CDIN1: variants seen among roughly 807,000 people sequenced by gnomAD.
CDIN1 encodes the protein CDAN1 interacting nuclease 1.
A neutral mutation model predicts 45.3 loss-of-function variants in CDIN1; 33 were observed. That is an observed-to-expected ratio of 0.73 (90% confidence interval 0.55 to 0.97). CDIN1 has a LOEUF of 0.97. CDIN1 is among the 50% of genes least tolerant of loss of function. CDIN1 has a pLI of 0.00. For synonymous variants in CDIN1, 118 were observed against 124.4 expected (o/e 0.95, Z 0.34); for missense variants, 303 against 339.4 (o/e 0.89, Z 0.84).
intron 10 of CDIN1, among the ~76,000 whole-genome samples, chr15:36,794,830 T>C (rs900143195): frequency 1.3e-5 from 2 of 152,176 alleles, no homozygotes; most frequent in Admixed American, 6.5e-5. Flanking sequence ...CAAAAAGATA[T>C]CTGCACCTCT....
chr15:36,786,171 TTTAA>T (rs1595596674), intron 10 of CDIN1, among the ~76,000 whole-genome samples: 1 of 152,228 alleles, frequency 6.6e-6, no homozygotes, highest in Admixed American at 6.5e-5. Flanking sequence ...TTGACTTCAC[TTTAA>T]TTAGAGTTCA....
chr15:36,786,042 T>C (rs2054481480), intron 10 of CDIN1, among the ~76,000 whole-genome samples: 1 of 152,234 alleles, frequency 6.6e-6, no homozygotes, highest in East Asian at 1.9e-4. Context: ...TCATTTATCC[T>C]GACTTTCCAG....
chr15:36,694,801 C>G (rs80195153), intron 7 of CDIN1, among the ~76,000 whole-genome samples: 338 of 152,296 alleles, frequency 2.2e-3, no homozygotes, highest in African/African-American at 7.5e-3. Flanking sequence ...TCTGTACCAT[C>G]AGAGACCTCA....
chr15:36,709,183 G>C, intron 8 of CDIN1, 40 bp from the exon 9 acceptor site: 1 of 1,515,860 alleles, frequency 6.6e-7, no homozygotes, highest in Non-Finnish European at 9.0e-7. Flanking sequence ...CTTGTTAATT[G>C]AATAGTGTTT....
At chr15:36,706,238 C>T (rs188188279) in intron 8 of CDIN1, 18 of 152,194 alleles carry the variant, frequency 1.2e-4, no homozygotes, top group Admixed American at 3.9e-4. Context: ...GTTGCCCACC[C>T]AACAATGGCA....
intron 10 of CDIN1, among the ~76,000 whole-genome samples, chr15:36,714,871 A>G (rs552797588): frequency 1.3e-5 from 2 of 152,274 alleles, no homozygotes; most frequent in East Asian, 3.9e-4. Context: ...GGAAGTTCTG[A>G]GGTCACTGAT....
intron 1 of CDIN1, chr15:36,619,209 T>C: frequency 7.6e-7 from 1 of 1,318,380 alleles, no homozygotes; most frequent in Admixed American, 2.3e-5. Context: ...GGGCTATACC[T>C]CAGGGAGTGA....
chr15:36,725,115 A>G (rs1358202712), intron 10 of CDIN1, among the ~76,000 whole-genome samples: 2 of 152,230 alleles, frequency 1.3e-5, no homozygotes, highest in East Asian at 1.9e-4. Context: ...CAACGGTACA[A>G]TGCTGAAAGG....
rs937608305 is a variant in CDIN1 at position 36,777,514 on chromosome 15, A to G, written c.717-30810A>G. The stretch of plus-strand genomic sequence containing the variant: ...CATTCTAGCTGTCAAGGCCACACAC[A>G]GTCAACCATTTGGACATCTAATCAA... On this transcript the variant is annotated intron_variant, in intron 10 of 10. Transcript: ENST00000566621. 2.0e-5 allele frequency among the ~76,000 whole-genome samples: 3 copies of G among 152,184 alleles called. No homozygotes were observed. In the South Asian group the frequency reaches 6.2e-4, roughly 32 times the overall value.
At chr15:36,709,616 G>C (rs1308938830) in intron 9 of CDIN1, among the ~76,000 whole-genome samples, 1 of 152,144 alleles carries the variant, frequency 6.6e-6, no homozygotes, top group African/African-American at 2.4e-5. Flanking sequence ...TATACAGGCA[G>C]TCTGAGAACT....
intron 8 of CDIN1, chr15:36,706,699 T>C (rs2042879173): frequency 6.6e-6 from 1 of 151,922 alleles, no homozygotes; most frequent in African/African-American, 2.4e-5. Flanking sequence ...TTTTACAAAA[T>C]TGAGATGAAC....
rs372706927 is a variant in CDIN1 at position 36,808,420 on chromosome 15, G to A, written c.813G>A (p.Thr271=). The A allele has an allele frequency of 1.5e-5, 24 of 1,613,336 alleles. No homozygotes were observed. The highest frequency in any genetic ancestry group is 8.9e-5 in the East Asian group (4 of 44,878). ...RGILLKACFP[T]NIVTLCHSIA is the part of the protein sequence containing the mutation. ...TCCTGCTCAAAGCCTGTTTCCCCAC[G>A]AACATTGTCACCTTATGCCACAGCA... Residue 271 remains threonine (T), a synonymous_variant, in exon 11 of 11, where the codon ACG becomes ACA. Coordinates refer to ENST00000566621, the MANE Select transcript of CDIN1 (RefSeq NM_001321759.2).
intron 1 of CDIN1, among the ~76,000 whole-genome samples, chr15:36,615,922 T>C (rs1438703627): frequency 6.6e-5 from 10 of 152,250 alleles, no homozygotes; most frequent in Admixed American, 6.5e-4. Context: ...GTATCCTCCT[T>C]CATATTTTTA....
intron 10 of CDIN1, chr15:36,747,152 A>G (rs1165246132): frequency 1.0e-5 from 4 of 394,060 alleles, no homozygotes; most frequent in African/African-American, 2.1e-5. Context: ...TTCAACCAGC[A>G]TGTGTTTCCT....
At chr15:36,637,376 TA>T in intron 1 of CDIN1, among the ~76,000 whole-genome samples, 1 of 152,144 alleles carries the variant, frequency 6.6e-6, no homozygotes, top group East Asian at 1.9e-4. Flanking sequence ...TAAAACAAAA[TA>T]AAAGAATAAA....
Position 36,672,779 on chromosome 15 carries a change from A to G in CDIN1, c.346+14874A>G, listed in dbSNP as rs572165182. On this transcript the variant is annotated intron_variant, in intron 5 of 10. Coordinates refer to ENST00000566621, the MANE Select transcript of CDIN1 (RefSeq NM_001321759.2). ...TTAATGGTAGGGTTGATCAGCGCCG[A>G]ATCTTGTTACTTCTTTAAAAAAAAA... 2.4e-4 allele frequency among the ~76,000 whole-genome samples: 36 copies of G among 149,378 alleles called. No individual in the cohort carries two copies. In the South Asian group the frequency reaches 5.8e-3, roughly 24 times the overall value.
chr15:36,734,474 A>C (rs2043945366), intron 10 of CDIN1: 1 of 328,734 alleles, frequency 3.0e-6, no homozygotes, highest in Non-Finnish European at 5.9e-6. Context: ...TATATCTCCA[A>C]GCTGAATTAC....
chr15:36,666,899 T>C (rs2041270266), intron 5 of CDIN1, among the ~76,000 whole-genome samples: 1 of 152,202 alleles, frequency 6.6e-6, no homozygotes, highest in Non-Finnish European at 1.5e-5. Flanking sequence ...TTCTAGGTGC[T>C]TTACCTACTT....
Position 36,795,972 on chromosome 15 carries a change from C to T in CDIN1, c.717-12352C>T, listed in dbSNP as rs552412315. ...ATTATAAATTTAGGAAATTTTCTGACCTAGTTTACTCACGTTTCCTACCCC... is the reference window on the plus strand; with the variant it reads ...ATTATAAATTTAGGAAATTTTCTGATCTAGTTTACTCACGTTTCCTACCCC... On this transcript the variant is annotated intron_variant, in intron 10 of 10. Coordinates refer to ENST00000566621, the MANE Select transcript of CDIN1 (RefSeq NM_001321759.2). 1.8e-4 allele frequency among the ~76,000 whole-genome samples: 28 copies of T among 152,296 alleles called. No homozygotes were observed. The South Asian group carries it at 5.4e-3, about 29-fold the overall frequency.
Sources: allele counts gnomAD v4.1 joint callset (sites outside exome capture counted in the v4.1 genomes callset), GRCh38; gene constraint gnomAD v4.1.1; transcripts MANE v1.5; gene names NCBI Gene and HGNC (gene_info 2026-07-23, HGNC 2026-07-21).